CCSER1: variants seen among roughly 807,000 people sequenced by gnomAD.
The protein encoded by CCSER1 is coiled-coil serine rich protein 1, also known as serine-rich coiled-coil domain-containing protein 1.
CCSER1 carries 41 observed loss-of-function variants against 82.0 expected under a neutral mutation model. That is an observed-to-expected ratio of 0.50 (90% CI 0.39 to 0.65). The LOEUF (loss-of-function observed/expected upper bound fraction) is 0.65. Among genes scored for constraint, CCSER1 ranks in the 30% least tolerant of loss-of-function variants. CCSER1 has a pLI of 0.00. For synonymous variants in CCSER1, 414 were observed against 383.9 expected, an observed-to-expected ratio of 1.08 and a Z score of -0.92; for missense variants, 1,119 against 1,064.2, an observed-to-expected ratio of 1.05 and a Z score of -0.72.
chr4:90,818,279 CTTT>C (rs1251264832), intron 8 of CCSER1, among the ~76,000 whole-genome samples: 2 of 132,864 alleles, frequency 1.5e-5, no homozygotes, highest in African/African-American at 5.5e-5. Context: ...TCTTTTTTTT[CTTT>C]TTTTTTTTTT....
At chr4:90,209,261 C>T (rs946042861) in intron 1 of CCSER1, among the ~76,000 whole-genome samples, 6 of 152,122 alleles carry the variant, frequency 3.9e-5, no homozygotes, top group African/African-American at 1.4e-4. Context: ...GTCATGAGAG[C>T]CCAAGTGAGG....
At chr4:91,302,651 CTTA>C (rs913565285) in intron 10 of CCSER1, among the ~76,000 whole-genome samples, 1 of 151,916 alleles carries the variant, frequency 6.6e-6, no homozygotes, top group African/African-American at 2.4e-5. Flanking sequence ...CTTAAAAGGC[CTTA>C]TTATTCTAGT....
At position 90,590,322 on chromosome 4, in the gene CCSER1, G is replaced by T. The variant is rs946697886; in HGVS notation, c.1725-37703G>T. Among the ~76,000 whole-genome samples, 4 of 152,084 alleles carry T rather than the reference G, an allele frequency of 2.6e-5. No individual in the cohort carries two copies. In the East Asian group the frequency reaches 7.7e-4, roughly 29 times the overall value. ...TGGCCAGGTACGGTGTCTCATGCCT[G>T]TAATCCCAGCACTTTGGGAGGCCAA... On this transcript the variant is annotated intron_variant, in intron 5 of 10. Transcript: ENST00000509176.
chr4:90,532,823 T>G (rs747618523), intron 5 of CCSER1, among the ~76,000 whole-genome samples: 11 of 152,304 alleles, frequency 7.2e-5, no homozygotes, highest in Non-Finnish European at 1.5e-4. Context: ...ATAGATCGAC[T>G]TGTACTTTGA....
intron 1 of CCSER1, among the ~76,000 whole-genome samples, chr4:90,236,696 T>G (rs951565336): frequency 6.6e-6 from 1 of 152,148 alleles, no homozygotes; most frequent in Admixed American, 6.5e-5. Context: ...GGAGTGAATT[T>G]GCATCTAGGA....
At chr4:91,418,170 G>A (rs1753478594) in intron 10 of CCSER1, among the ~76,000 whole-genome samples, 2 of 151,580 alleles carry the variant, frequency 1.3e-5, no homozygotes, top group South Asian at 4.2e-4. Flanking sequence ...ACACCTGAAG[G>A]AAATAGAATA....
chr4:91,218,195 G>T (rs933508085), intron 10 of CCSER1, among the ~76,000 whole-genome samples: 1 of 152,226 alleles, frequency 6.6e-6, no homozygotes, highest in Non-Finnish European at 1.5e-5. Context: ...GTACACCCTT[G>T]GCAGCCACTG....
chr4:90,693,437 T>C (rs770459218), intron 6 of CCSER1: 2 of 151,924 alleles, frequency 1.3e-5, no homozygotes, highest in Non-Finnish European at 2.9e-5. Context: ...GGAAAGTGAT[T>C]GTAAAACTAG....
At chr4:91,289,797 A>G (rs1007076154) in intron 10 of CCSER1, among the ~76,000 whole-genome samples, 10 of 152,084 alleles carry the variant, frequency 6.6e-5, no homozygotes, top group African/African-American at 2.4e-4. Flanking sequence ...AATAAAGAAG[A>G]AATGTTTGAG....
At chr4:90,183,429 C>CG (rs1734047658) in intron 1 of CCSER1, among the ~76,000 whole-genome samples, 1 of 152,062 alleles carries the variant, frequency 6.6e-6, no homozygotes, top group Admixed American at 6.6e-5. Flanking sequence ...GGGAGGTTGG[C>CG]AGATGAGATT....
chr4:91,135,502 T>C (rs1728379729), intron 10 of CCSER1, among the ~76,000 whole-genome samples: 1 of 152,230 alleles, frequency 6.6e-6, no homozygotes, highest in African/African-American at 2.4e-5. Context: ...GTTTTTGATG[T>C]TCATTTGCTG....
chr4:90,367,719 C>T lies in CCSER1; in HGVS notation c.1510-32317C>T, dbSNP rs76632704. Among the ~76,000 whole-genome samples, 1,136 of 151,422 alleles carry T rather than the reference C, an allele frequency of 7.5e-3. 18 individuals are homozygous for T. Among genetic ancestry groups the T allele is most frequent in the African/African-American group, 0.017 (699 of 41,360 alleles). On this transcript the variant is annotated intron_variant, in intron 3 of 10. Transcript: ENST00000509176. ...CAAACATGAAAATTATGACTGAAAA[C>T]GGAGTTGGTGACAGAGGTGAAAGGT...
intron 10 of CCSER1, among the ~76,000 whole-genome samples, chr4:91,153,986 A>C (rs7690657): frequency 6.6e-6 from 1 of 151,670 alleles, no homozygotes; most frequent in Non-Finnish European, 1.5e-5. Flanking sequence ...CAGTCTGTCC[A>C]TCCTCAGATC....
chr4:90,327,909 T>C (rs1738515997), intron 3 of CCSER1, among the ~76,000 whole-genome samples: 1 of 152,182 alleles, frequency 6.6e-6, no homozygotes, highest in Admixed American at 6.5e-5. Context: ...CATTTAACAG[T>C]GTTGAGGACT....
intron 10 of CCSER1, among the ~76,000 whole-genome samples, chr4:91,286,596 A>G (rs1385578171): frequency 6.6e-6 from 1 of 151,854 alleles, no homozygotes; most frequent in African/African-American, 2.4e-5. Flanking sequence ...GATCTTTAAC[A>G]TTTGGATAAA....
chr4:91,062,350 G>C (rs1744030990), intron 9 of CCSER1, among the ~76,000 whole-genome samples: 1 of 151,950 alleles, frequency 6.6e-6, no homozygotes, highest in South Asian at 2.1e-4. Context: ...TTAGTTATGC[G>C]AGTCCAACAG....
chr4:91,066,919 A>G (rs894198305), intron 9 of CCSER1, among the ~76,000 whole-genome samples: 30 of 151,530 alleles, frequency 2.0e-4, no homozygotes, highest in African/African-American at 6.8e-4. Flanking sequence ...TAATCCCAGT[A>G]CTTTGGAAGG....
At position 90,769,655 on chromosome 4, in the gene CCSER1, A is replaced by C. The variant is rs560838904; in HGVS notation, c.2010+45664A>C. On this transcript the variant is annotated intron_variant, in intron 7 of 10. Coordinates refer to ENST00000509176, the MANE Select transcript of CCSER1 (RefSeq NM_001145065.2). ...TTGTGTATTTGGGAAACCAGTATCTACCAGTTTTCAGACGAAGAGGGATTA... is the reference window on the plus strand; with the variant it reads ...TTGTGTATTTGGGAAACCAGTATCTCCCAGTTTTCAGACGAAGAGGGATTA... Among the ~76,000 whole-genome samples, 7 of 152,238 alleles carry C rather than the reference A, an allele frequency of 4.6e-5. No homozygotes were observed. In the South Asian group the frequency reaches 1.5e-3, roughly 32 times the overall value.
intron 9 of CCSER1, among the ~76,000 whole-genome samples, chr4:91,038,624 C>G (rs995893720): frequency 6.6e-6 from 1 of 152,124 alleles, no homozygotes; most frequent in Non-Finnish European, 1.5e-5. Flanking sequence ...ATATTCCAAT[C>G]TAAGTATTTC....
Sources: gnomAD v4.1 joint callset for allele counts (sites outside exome capture counted in the v4.1 genomes callset) on GRCh38, gnomAD v4.1.1 for gene constraint, MANE v1.5 for transcripts, NCBI Gene and HGNC (gene_info 2026-07-23, HGNC 2026-07-21) for gene names.